RIMS2: variants seen among roughly 807,000 people sequenced by gnomAD.
The protein encoded by RIMS2 is regulating synaptic membrane exocytosis protein 2.
In RIMS2, 59 loss-of-function variants were observed where a neutral mutation model predicts 174.4. The observed-to-expected ratio is 0.34, with a 90% confidence interval of 0.27 to 0.42. The LOEUF (loss-of-function observed/expected upper bound fraction) is 0.42, where lower values mean the gene tolerates loss of function less well. RIMS2 is among the 10% of genes least tolerant of loss of function. The pLI is 1.00. For synonymous variants in RIMS2, 606 were observed against 572.5 expected (o/e 1.06, Z -0.84); for missense variants, 1,620 against 1,666.3 (o/e 0.97, Z 0.48).
intron 19 of RIMS2, among the ~76,000 whole-genome samples, chr8:104,135,613 C>CAAAAAA (rs35163912): frequency 4.0e-4 from 32 of 79,600 alleles, no homozygotes; most frequent in East Asian, 7.4e-4. Context: ...CTCCCAACCT[C>CAAAAAA]AAAAAAAAAA....
At chr8:104,043,091 A>T (rs1337568934) in intron 19 of RIMS2, among the ~76,000 whole-genome samples, 2 of 151,612 alleles carry the variant, frequency 1.3e-5, no homozygotes, top group African/African-American at 4.8e-5. Context: ...TCCAGAGAAG[A>T]CAAATATGTT....
intron 17 of RIMS2, among the ~76,000 whole-genome samples, chr8:104,003,347 A>G (rs187019833): frequency 1.1e-4 from 16 of 152,244 alleles, no homozygotes; most frequent in African/African-American, 3.1e-4. Context: ...TTGTTGTAAC[A>G]TTATTGGCAA....
chr8:103,705,746 G>A (rs1348467440), intron 2 of RIMS2, among the ~76,000 whole-genome samples: 1 of 150,994 alleles, frequency 6.6e-6, no homozygotes, highest in Non-Finnish European at 1.5e-5. Context: ...CTGCTGATCT[G>A]TTTTGTTTTC....
At chr8:103,506,306 A>G (rs997832336) in intron 1 of RIMS2, among the ~76,000 whole-genome samples, 4 of 152,116 alleles carry the variant, frequency 2.6e-5, no homozygotes, top group African/African-American at 9.6e-5. Flanking sequence ...TCCTCTTGAC[A>G]ATAGATTTTG....
At chr8:103,582,300 G>A (rs1437059301) in intron 1 of RIMS2, among the ~76,000 whole-genome samples, 5 of 152,140 alleles carry the variant, frequency 3.3e-5, no homozygotes, top group Admixed American at 6.5e-5. Context: ...GTGCTACATC[G>A]AGGACCTTGG....
At chr8:104,184,860 C>T (rs1270378197) in intron 19 of RIMS2, among the ~76,000 whole-genome samples, 1 of 151,232 alleles carries the variant, frequency 6.6e-6, no homozygotes, top group Non-Finnish European at 1.5e-5. Flanking sequence ...GTTTAGGAAA[C>T]TTTTTAATAC....
chr8:103,636,826 G>A (rs1172854216), intron 1 of RIMS2, among the ~76,000 whole-genome samples: 2 of 115,824 alleles, frequency 1.7e-5, no homozygotes, highest in Non-Finnish European at 3.2e-5. Flanking sequence ...ACCAATCTGC[G>A]TTTTGGGGAG....
intron 19 of RIMS2, among the ~76,000 whole-genome samples, chr8:104,238,643 C>T (rs1236652808): frequency 6.6e-6 from 1 of 152,062 alleles, no homozygotes; most frequent in Non-Finnish European, 1.5e-5. Context: ...AAAAAGTCTT[C>T]TACCAAAGAC....
intron 19 of RIMS2, among the ~76,000 whole-genome samples, chr8:104,170,081 A>C (rs1400507516): frequency 4.6e-5 from 7 of 152,102 alleles, no homozygotes; most frequent in African/African-American, 4.8e-5. Flanking sequence ...TTTGTGGCCT[A>C]TCATGTTGTC....
chr8:103,699,252 G>A (rs574705931), intron 2 of RIMS2, among the ~76,000 whole-genome samples: 2 of 152,074 alleles, frequency 1.3e-5, no homozygotes, highest in Non-Finnish European at 2.9e-5. Flanking sequence ...CTAGAGAAAG[G>A]ATCTTACTCT....
At chr8:104,139,309 T>G (rs13280836) in intron 19 of RIMS2, among the ~76,000 whole-genome samples, 33,219 of 151,990 alleles carry the variant, frequency 0.22, 3,839 homozygotes, top group South Asian at 0.34. Flanking sequence ...GAAGAATATT[T>G]GTATTGTGAT....
intron 1 of RIMS2, among the ~76,000 whole-genome samples, chr8:103,544,998 C>T (rs1037937720): frequency 6.6e-6 from 1 of 152,218 alleles, no homozygotes; most frequent in Non-Finnish European, 1.5e-5. Context: ...TTCTTCCTTC[C>T]AAGTGACCAC....
rs144267586 is a variant in RIMS2 at position 103,678,841 on chromosome 8, T to C, written c.177-18245T>C. Among the ~76,000 whole-genome samples, 32 of 152,150 alleles carry C rather than the reference T, an allele frequency of 2.1e-4. 1 individual carries two copies. The highest frequency in any genetic ancestry group is 8.3e-4 in the South Asian group (4 of 4,828). On this transcript the variant is annotated intron_variant, in intron 1 of 23. Coordinates refer to ENST00000504942, the Ensembl canonical transcript of RIMS2. ...TCTGGGGGTGGATCACAAGTTAAGA[T>C]AGAAAAATTTGAGTTAAAAGAATCA...
At chr8:103,558,026 A>T (rs1268067929) in intron 1 of RIMS2, among the ~76,000 whole-genome samples, 1 of 152,152 alleles carries the variant, frequency 6.6e-6, no homozygotes, top group Non-Finnish European at 1.5e-5. Context: ...GTGATCTTAA[A>T]GTTTTCAAAA....
rs373453993 is a variant in RIMS2, at chr8:104,051,707, A to G, written c.3334+37092A>G. On this transcript the variant is annotated intron_variant, in intron 19 of 23. Transcript: ENST00000504942. ...GAGAAAGAAGGTTCATTTCATGACA[A>G]TATTTTTGATCATAAGTTCTGGAGA... Among the ~76,000 whole-genome samples, 10 of 152,264 alleles carry G rather than the reference A, an allele frequency of 6.6e-5. No homozygotes were observed. The East Asian group carries it at 7.7e-4, about 12-fold the overall frequency.
intron 19 of RIMS2, among the ~76,000 whole-genome samples, chr8:104,103,843 C>T (rs983506838): frequency 6.6e-5 from 10 of 152,052 alleles, no homozygotes; most frequent in East Asian, 3.9e-4. Context: ...AATGTTGATA[C>T]GCCATCATAT....
chr8:103,959,291 G>T (rs1230790630), intron 14 of RIMS2, among the ~76,000 whole-genome samples: 3 of 151,992 alleles, frequency 2.0e-5, no homozygotes, highest in Non-Finnish European at 4.4e-5. Context: ...AATGTATATG[G>T]ATTATTATTT....
chr8:104,003,768 A>G (rs1385036067), intron 17 of RIMS2, among the ~76,000 whole-genome samples: 1 of 152,130 alleles, frequency 6.6e-6, no homozygotes, highest in African/African-American at 2.4e-5. Context: ...CAAAGACTGT[A>G]GGTTCTAGAG....
intron 1 of RIMS2, among the ~76,000 whole-genome samples, chr8:103,629,204 T>C (rs572075408): frequency 8.5e-5 from 13 of 152,094 alleles, no homozygotes; most frequent in Non-Finnish European, 1.6e-4. Context: ...CATGATGCAA[T>C]AATGAGCCAG....
Sources: allele counts gnomAD v4.1 joint callset (sites outside exome capture counted in the v4.1 genomes callset), GRCh38; gene constraint gnomAD v4.1.1; transcripts MANE v1.5; gene names NCBI Gene and HGNC (gene_info 2026-07-23, HGNC 2026-07-21).